The following INSR variants were observed in gnomAD, a reference collection of about 807,000 sequenced individuals.
INSR encodes insulin receptor, also known as IR.
In INSR, 67 loss-of-function variants were observed where a neutral mutation model predicts 142.6. The observed-to-expected ratio is 0.47, with a 90% confidence interval of 0.39 to 0.58. The LOEUF is 0.58. Among genes scored for constraint, INSR ranks in the 20% least tolerant of loss-of-function variants. INSR has a pLI of 0.00. For missense variants in INSR, 1,248 were observed against 1,833.2 expected, an observed-to-expected ratio of 0.68 and a Z score of 5.83; for synonymous variants, 756 against 743.1, an observed-to-expected ratio of 1.02 and a Z score of -0.28.
At chr19:7,273,348 C>T (rs952524893) in intron 1 of INSR, among the ~76,000 whole-genome samples, 1 of 152,068 alleles carries the variant, frequency 6.6e-6, no homozygotes, top group African/African-American at 2.4e-5. Flanking sequence ...GAAATGAAGG[C>T]AGAAATAGAC....
intron 1 of INSR, among the ~76,000 whole-genome samples, chr19:7,289,409 T>TC (rs1486709087): frequency 6.8e-6 from 1 of 146,312 alleles, no homozygotes; most frequent in African/African-American, 2.5e-5. Context: ...TCTTTTCTTT[T>TC]TTTTTTTTTT....
rs1976899522 is a variant in INSR at position 7,256,568 on chromosome 19, C to G, written c.652+10777G>C. ...TTGCTTGGGCCCAGCAGTTCAAGAC[C>G]AGCCTGGGTAACGTGGTGAAACCCC... On this transcript the variant is annotated intron_variant, in intron 2 of 21. Transcript: ENST00000302850. 3.3e-5 allele frequency among the ~76,000 whole-genome samples: 5 copies of G among 152,054 alleles called. No homozygotes were observed. The South Asian group carries it at 1.0e-3, about 32-fold the overall frequency.
intron 4 of INSR, among the ~76,000 whole-genome samples, chr19:7,172,867 T>C (rs553000672): frequency 9.9e-6 from 1 of 100,802 alleles, no homozygotes; most frequent in South Asian, 3.5e-4. Context: ...ACCCTGTCTC[T>C]ACTAAAACTA....
intron 15 of INSR, among the ~76,000 whole-genome samples, chr19:7,127,697 T>C (rs1972678665): frequency 6.6e-6 from 1 of 152,186 alleles, no homozygotes; most frequent in South Asian, 2.1e-4. Context: ...GGATTTGTTG[T>C]TCTGTTGTTT....
intron 3 of INSR, among the ~76,000 whole-genome samples, chr19:7,180,858 A>G (rs1974257369): frequency 6.6e-6 from 1 of 152,064 alleles, no homozygotes; most frequent in Non-Finnish European, 1.5e-5. Flanking sequence ...AGCCCTCCCG[A>G]TGAGGAGTTT....
chr19:7,173,326 T>C (rs924589580), intron 4 of INSR, among the ~76,000 whole-genome samples: 1 of 152,116 alleles, frequency 6.6e-6, no homozygotes, highest in Non-Finnish European at 1.5e-5. Flanking sequence ...GTATTTCTTT[T>C]CTTTTTTTTT....
chr19:7,292,823 A>G (rs969059617), intron 1 of INSR, among the ~76,000 whole-genome samples: 2 of 152,078 alleles, frequency 1.3e-5, no homozygotes, highest in Admixed American at 6.6e-5. Context: ...AGAGGGGCCC[A>G]TGGGGTCAGG....
chr19:7,290,358 A>G (rs8100501), intron 1 of INSR, among the ~76,000 whole-genome samples: 4,629 of 152,230 alleles, frequency 0.03, 251 homozygotes, highest in African/African-American at 0.11. Context: ...GTGAGCCATC[A>G]TTGCCCAACT....
chr19:7,117,268 C>G lies in INSR; in HGVS notation c.3937G>C (p.Glu1313Gln). ...FFHSEENKAP[E>Q]SEELEMEFED... The stretch of plus-strand genomic sequence containing the variant: ...AACTCCATCTCCAGCTCCTCACTCT[C>G]GGGAGCCTTGTTCTCCTCGCTGTGG... The change falls in exon 22 of 22, where the codon GAG becomes CAG. Residue 1313 changes from glutamate (E) to glutamine (Q), a missense_variant. By Grantham distance (29) the Glu-to-Gln change is conservative. Around this residue, in one of 3 missense-constraint regions of INSR, gnomAD observed 122 missense variants for 129.8 expected, o/e 0.94. Coordinates refer to ENST00000302850, the MANE Select transcript of INSR (RefSeq NM_000208.4). The G allele has an allele frequency of 1.2e-6, 2 of 1,614,206 alleles. No individual in the cohort carries two copies.
intron 2 of INSR, among the ~76,000 whole-genome samples, chr19:7,261,360 C>T (rs543643269): frequency 6.0e-4 from 91 of 152,226 alleles, no homozygotes; most frequent in African/African-American, 2.0e-3. Flanking sequence ...AGTCAATAAA[C>T]GAACTGCATA....
In INSR at chr19:7,225,418, G is replaced by C. The variant is rs1975749541; in HGVS notation, c.653-40781C>G. ...GCCCCACCACCAAGCCAAAATGCTT[G>C]AGTGACACTCTCTGATTCTCCAGTG... On this transcript the variant is annotated intron_variant, in intron 2 of 21. Transcript: ENST00000302850. The surrounding 1 kb of genome is among the most constrained non-coding windows in gnomAD (Gnocchi z 4.7). Among the ~76,000 whole-genome samples the C allele has an allele frequency of 7.2e-6, 1 of 139,192 alleles. No individual in the cohort carries two copies. Among genetic ancestry groups the C allele is most frequent in the Admixed American group, 7.3e-5 (1 of 13,718 alleles). The allele number at this position is 139,192 out of a possible 152,430, so 91.3% of individuals were successfully genotyped here. A position where few individuals can be genotyped will look rare whatever the true frequency, so the allele number is the denominator to read the frequency against.
In INSR at chr19:7,119,807, C is replaced by T. The variant is rs539685828; in HGVS notation, c.3660-224G>A. ...ACATGCACACACAAATATGCAAACA[C>T]ACAAACACATATACACACACAAACA... On this transcript the variant is annotated intron_variant, in intron 20 of 21. Coordinates refer to ENST00000302850, the MANE Select transcript of INSR (RefSeq NM_000208.4). The surrounding 1 kb of genome is among the most constrained non-coding windows in gnomAD (Gnocchi z 5.2). Among the ~76,000 whole-genome samples, 3 of 129,250 alleles carry T rather than the reference C, an allele frequency of 2.3e-5. No homozygotes were observed. The highest frequency in any genetic ancestry group is 5.1e-5 in the Non-Finnish European group (3 of 59,262). The allele number at this position is 129,250 out of a possible 152,430, so 84.8% of individuals were successfully genotyped here.
In INSR at chr19:7,143,141, T is replaced by A. The variant is rs534380932; in HGVS notation, c.2268-51A>T. The A allele has an allele frequency of 2.8e-4, 449 of 1,596,212 alleles. 3 individuals are homozygous for A. Among genetic ancestry groups the A allele is most frequent in the South Asian group, 1.7e-3 (157 of 90,658 alleles). ...ATGACACCATCACCATCATTTTTTT[T>A]AAAAAAGTGACACTGGAGAATAAAA... On this transcript the variant is annotated intron_variant, in intron 11 of 21. Transcript: ENST00000302850.
Position 7,269,037 on chromosome 19 carries a change from C to CA in INSR, c.101-1142_101-1141insT, listed in dbSNP as rs1209061502. Among the ~76,000 whole-genome samples the CA allele has an allele frequency of 1.3e-4, 15 of 119,170 alleles. No individual in the cohort carries two copies. In the East Asian group the frequency reaches 3.1e-3, roughly 25 times the overall value. The allele number at this position is 119,170 out of a possible 152,430, so 78.2% of individuals were successfully genotyped here. A position where few individuals can be genotyped will look rare whatever the true frequency, so the allele number is the denominator to read the frequency against. On this transcript the variant is annotated intron_variant, in intron 1 of 21. Transcript: ENST00000302850. Reference sequence around the variant, plus strand: ...TTCTCTCTGCCAACACACCCACACACCCACACACACACACACACACACACC... The same window carrying CA: ...TTCTCTCTGCCAACACACCCACACACACCACACACACACACACACACACACC...
chr19:7,199,560 C>CTTTTTT lies in INSR; in HGVS notation c.653-14929_653-14924dup, dbSNP rs3084138. ...CTACAGGAGAGTGCCACTGCGACAG[C>CTTTTTT]TTTTTTTTTTTTTTTTTTTTTTGAG... On this transcript the variant is annotated intron_variant, in intron 2 of 21. Transcript: ENST00000302850. Among the ~76,000 whole-genome samples, 533 of 78,650 alleles carry CTTTTTT rather than the reference C, an allele frequency of 6.8e-3. 24 individuals carry two copies. Among genetic ancestry groups the CTTTTTT allele is most frequent in the East Asian group, 0.012 (27 of 2,332 alleles). 51.6% of individuals were successfully genotyped at this position (78,650 alleles called of 152,430 possible). A position where few individuals can be genotyped will look rare whatever the true frequency, so the allele number is the denominator to read the frequency against.
intron 2 of INSR, among the ~76,000 whole-genome samples, chr19:7,226,639 G>C (rs4804422): frequency 0.4 from 59,461 of 149,372 alleles, 11,922 homozygotes; most frequent in East Asian, 0.49. Flanking sequence ...GAAGTGGGAG[G>C]ATTGCTTGAG....
At position 7,225,701 on chromosome 19, in the gene INSR, C is replaced by CG. The variant is rs67288807; in HGVS notation, c.653-41065_653-41064insC. On this transcript the variant is annotated intron_variant, in intron 2 of 21. Transcript: ENST00000302850. The surrounding 1 kb of genome is among the most constrained non-coding windows in gnomAD (Gnocchi z 4.7). ...ATGATGGGCTCTTGGTTTCCATTTCCCCCCCCTCAAAAAAAGAGCAGAGAA... is the reference window on the plus strand; with the variant it reads ...ATGATGGGCTCTTGGTTTCCATTTCCGCCCCCCTCAAAAAAAGAGCAGAGAA... Among the ~76,000 whole-genome samples the CG allele has an allele frequency of 2.5e-5, 3 of 120,472 alleles. No individual in the cohort carries two copies. The highest frequency in any genetic ancestry group is 9.4e-5 in the Admixed American group (1 of 10,680). 79.0% of individuals were successfully genotyped at this position (120,472 alleles called of 152,430 possible).
Position 7,197,516 on chromosome 19 carries a change from GGTGTGT to G in INSR, c.653-12885_653-12880del, listed in dbSNP as rs552352795. 1.6e-4 allele frequency among the ~76,000 whole-genome samples: 11 copies of G among 70,922 alleles called. 1 individual carries two copies. The highest frequency in any genetic ancestry group is 7.2e-3 in the Middle Eastern group (1 of 138). 46.5% of individuals were successfully genotyped at this position (70,922 alleles called of 152,430 possible). A position where few individuals can be genotyped will look rare whatever the true frequency, so the allele number is the denominator to read the frequency against. Reference sequence around the variant, plus strand: ...TGGCAGGTTCCAGAGTGGGAGTGGGGGTGTGTGTGTGTGTGTGTGTGTGTGTGTGTC... The same window carrying G: ...TGGCAGGTTCCAGAGTGGGAGTGGGGGTGTGTGTGTGTGTGTGTGTGTGTC... On this transcript the variant is annotated intron_variant, in intron 2 of 21. Transcript: ENST00000302850.
At chr19:7,229,308 GGATGGATGGATGGATGGATGGATA>G (rs201738189) in intron 2 of INSR, among the ~76,000 whole-genome samples, 2,862 of 68,084 alleles carry the variant, frequency 0.042, 87 homozygotes, top group African/African-American at 0.11. Flanking sequence ...GATGATGGAT[GGATGGATGGATGGATGGATGGATA>G]GATGGATGGA....
Sources: gnomAD v4.1 joint callset for allele counts (sites outside exome capture counted in the v4.1 genomes callset) on GRCh38, gnomAD v4.1.1 for gene constraint, gnomAD v4.1.1 regional missense constraint, Gnocchi (gnomAD v3.1) non-coding constraint, MANE v1.5 for transcripts, NCBI Gene and HGNC (gene_info 2026-07-23, HGNC 2026-07-21) for gene names.